The following IGF2BP3 variants were observed in gnomAD, a reference collection of about 807,000 sequenced individuals.
IGF2BP3 encodes the protein insulin like growth factor 2 mRNA binding protein 3.
IGF2BP3 carries 9 observed loss-of-function variants against 73.8 expected under a neutral mutation model. That is an observed-to-expected ratio of 0.12 (90% CI 0.07 to 0.21). The LOEUF (loss-of-function observed/expected upper bound fraction) is 0.21. Ranked by LOEUF, IGF2BP3 falls within the 10% of genes least tolerant of loss-of-function variation. IGF2BP3 has a pLI of 1.00. For synonymous variants in IGF2BP3, 258 were observed against 256.7 expected (o/e 1.01, Z -0.05); for missense variants, 542 against 714.0 (o/e 0.76, Z 2.75).
intron 3 of IGF2BP3, chr7:23,396,370 T>C (rs930531102): frequency 1.9e-5 from 3 of 154,488 alleles, no homozygotes; most frequent in South Asian, 2.0e-4. Flanking sequence ...ATCTCACCAC[T>C]GCACTGGGCA....
chr7:23,364,574 G>T (rs527513257), intron 3 of IGF2BP3, among the ~76,000 whole-genome samples: 1 of 144,960 alleles, frequency 6.9e-6, no homozygotes, highest in Non-Finnish European at 1.5e-5. Flanking sequence ...AAAAAAAAGC[G>T]GGAGGTTGGG....
rs574950339 is a variant in IGF2BP3 at position 23,431,636 on chromosome 7, G to C, written c.237-12812C>G. ...AGTGAACTGAACAGGAGGAAGGAAG[G>C]GGGAAAAAAAAAAGATTACAAGGTC... On this transcript the variant is annotated intron_variant, in intron 2 of 14. Transcript: ENST00000258729. Among the ~76,000 whole-genome samples, 3 of 145,056 alleles carry C rather than the reference G, an allele frequency of 2.1e-5. No homozygotes were observed. The South Asian group carries it at 6.3e-4, about 30-fold the overall frequency.
At chr7:23,407,786 C>A (rs1786883295) in intron 3 of IGF2BP3, among the ~76,000 whole-genome samples, 1 of 151,842 alleles carries the variant, frequency 6.6e-6, no homozygotes, top group African/African-American at 2.4e-5. Flanking sequence ...AATGGCAATA[C>A]AAAAAACATC....
At chr7:23,421,402 G>C (rs1787341199) in intron 2 of IGF2BP3, among the ~76,000 whole-genome samples, 2 of 151,994 alleles carry the variant, frequency 1.3e-5, no homozygotes, top group Non-Finnish European at 2.9e-5. Context: ...TCAATTAAAA[G>C]AAAGTTGCGG....
At chr7:23,384,354 C>T (rs1226803295) in intron 3 of IGF2BP3, among the ~76,000 whole-genome samples, 1 of 151,878 alleles carries the variant, frequency 6.6e-6, no homozygotes, top group African/African-American at 2.4e-5. Context: ...TTTGAGGTGA[C>T]AAAAATATTC....
intron 11 of IGF2BP3, 48 bp from the exon 12 acceptor site, chr7:23,317,761 T>A: frequency 6.6e-7 from 1 of 1,504,986 alleles, no homozygotes; most frequent in African/African-American, 1.4e-5. Context: ...GTATCACTGA[T>A]AGGCATCTTG....
At chr7:23,432,914 G>A (rs1787721794) in intron 2 of IGF2BP3, among the ~76,000 whole-genome samples, 1 of 152,186 alleles carries the variant, frequency 6.6e-6, no homozygotes, top group African/African-American at 2.4e-5. Flanking sequence ...TTACAGGCAT[G>A]AGCCACTGCG....
chr7:23,455,871 G>C (rs904528460), intron 2 of IGF2BP3, among the ~76,000 whole-genome samples: 1 of 152,118 alleles, frequency 6.6e-6, no homozygotes, highest in Non-Finnish European at 1.5e-5. Context: ...ATTTTTAGTA[G>C]AGACGGGGTT....
chr7:23,370,683 G>T lies in IGF2BP3; in HGVS notation c.286-8942C>A, dbSNP rs376377056. On this transcript the variant is annotated intron_variant, in intron 3 of 14. Transcript: ENST00000258729. ...TAGTTCTAGGTTTTTTGGTTTTTTTGTTTTTTTTTTTTAAGACAGAGTCTT... is the reference window on the plus strand; with the variant it reads ...TAGTTCTAGGTTTTTTGGTTTTTTTTTTTTTTTTTTTTAAGACAGAGTCTT... Among the ~76,000 whole-genome samples the T allele has an allele frequency of 4.7e-3, 678 of 143,742 alleles. 7 individuals are homozygous for T. The highest frequency in any genetic ancestry group is 0.016 in the African/African-American group (617 of 39,658). 94.3% of individuals were successfully genotyped at this position (143,742 alleles called of 152,430 possible). A position where few individuals can be genotyped will look rare whatever the true frequency, so the allele number is the denominator to read the frequency against.
chr7:23,424,921 G>A (rs761584529), intron 2 of IGF2BP3, among the ~76,000 whole-genome samples: 41 of 152,152 alleles, frequency 2.7e-4, no homozygotes, highest in Non-Finnish European at 4.4e-4. Context: ...TTCAATTAAC[G>A]AGTATGATAA....
chr7:23,329,939 C>T (rs960818287), intron 10 of IGF2BP3, among the ~76,000 whole-genome samples: 1 of 152,162 alleles, frequency 6.6e-6, no homozygotes, highest in Non-Finnish European at 1.5e-5. Context: ...ATCTCCTAAG[C>T]CAGATTCATA....
intron 2 of IGF2BP3, among the ~76,000 whole-genome samples, chr7:23,461,536 G>A (rs1788450485): frequency 6.6e-6 from 1 of 152,064 alleles, no homozygotes; most frequent in African/African-American, 2.4e-5. Context: ...CTTCCACCCA[G>A]TTGCTCTGGC....
At chr7:23,460,585 A>G (rs1788427050) in intron 2 of IGF2BP3, among the ~76,000 whole-genome samples, 1 of 152,050 alleles carries the variant, frequency 6.6e-6, no homozygotes, top group Non-Finnish European at 1.5e-5. Context: ...AGCCTTGTCC[A>G]TTGAGTCAGA....
intron 2 of IGF2BP3, among the ~76,000 whole-genome samples, chr7:23,462,510 C>T (rs554297761): frequency 3.7e-4 from 57 of 152,186 alleles, no homozygotes; most frequent in South Asian, 2.1e-3. Flanking sequence ...TAAAGGCGAC[C>T]GCCACCACGC....
chr7:23,348,057 C>T (rs992059778), intron 6 of IGF2BP3, among the ~76,000 whole-genome samples: 3 of 152,198 alleles, frequency 2.0e-5, no homozygotes, highest in Non-Finnish European at 4.4e-5. Context: ...ATTCAATCTG[C>T]TCTAAAACAA....
intron 10 of IGF2BP3, among the ~76,000 whole-genome samples, chr7:23,331,836 G>A (rs1276898291): frequency 6.6e-6 from 1 of 150,868 alleles, no homozygotes; most frequent in Non-Finnish European, 1.5e-5. Context: ...CTCCAGCCTG[G>A]GTGACAGAGC....
At chr7:23,435,292 C>CAAAAAAAAAAAAAAAAA (rs35846648) in intron 2 of IGF2BP3, among the ~76,000 whole-genome samples, 1 of 47,942 alleles carries the variant, frequency 2.1e-5, no homozygotes, top group Non-Finnish European at 3.6e-5. Context: ...GACTCTGTCT[C>CAAAAAAAAAAAAAAAAA]AAAAAAAAAA....
At position 23,345,963 on chromosome 7, in the gene IGF2BP3, T is replaced by C. The variant is rs1375267988; in HGVS notation, c.918A>G (p.Thr306=). 2.5e-6 allele frequency: 4 copies of C among 1,613,028 alleles called. No individual in the cohort carries two copies. The highest frequency in any genetic ancestry group is 2.7e-5 in the African/African-American group (2 of 75,046). The change falls in exon 8 of 15, where the codon ACA becomes ACG. Residue 306 remains threonine, a synonymous_variant. Transcript: ENST00000258729. ...GRNLKKIEQD[T]DTKITISPLQ... ...ACGGAGATATCGTGATTTTAGTGTC[T>C]GTGTCTTGCTCAATTTTTTTAAGAT...
At position 23,470,021 on chromosome 7, in the gene IGF2BP3, C is replaced by T; in HGVS notation, c.90G>A (p.Ser30=). Residue 30 remains serine (S), a synonymous_variant, in exon 1 of 15, where the codon TCG becomes TCA. Transcript: ENST00000258729. ...AGCCAGTCTTCACCAGGAAGGGTCC[C>T]GACACCGGGATCTTGGCGTCCTTGA... ...SIFKDAKIPV[S]GPFLVKTGYA... The T allele has an allele frequency of 6.2e-7, 1 of 1,612,904 alleles. No homozygotes were observed. Among genetic ancestry groups the T allele is most frequent in the Non-Finnish European group, 8.5e-7 (1 of 1,179,768 alleles).
Sources: gnomAD v4.1 joint callset for allele counts (sites outside exome capture counted in the v4.1 genomes callset) on GRCh38, gnomAD v4.1.1 for gene constraint, MANE v1.5 for transcripts, NCBI Gene and HGNC (gene_info 2026-07-23, HGNC 2026-07-21) for gene names.